Variants in CAPN3 observed in about 807,000 individuals in gnomAD.
The protein encoded by CAPN3 is calpain-3.
Under a neutral mutation model 114.0 loss-of-function variants are expected in CAPN3, and 88 were observed. That is an observed-to-expected ratio of 0.77 (90% confidence interval 0.65 to 0.92). CAPN3 has a LOEUF of 0.92. CAPN3 is among the 40% of genes least tolerant of loss of function. CAPN3 has a pLI of 0.00. For synonymous variants in CAPN3, 386 were observed against 382.9 expected (o/e 1.01, Z -0.09); for missense variants, 1,028 against 1,069.0 (o/e 0.96, Z 0.53).
rs761188919 is a variant in CAPN3 at position 42,409,383 on chromosome 15, G to A, written c.1992+3G>A. 1 of 1,613,740 alleles carries A rather than the reference G, an allele frequency of 6.2e-7. No individual in the cohort carries two copies. The highest frequency in any genetic ancestry group is 8.5e-7 in the Non-Finnish European group (1 of 1,179,638). ...TTTTCAAGCAGATAGCAGGAGATGT[G>A]AGTACCTCCAAGCCCAGGACGCCCA... On this transcript the variant is annotated splice_donor_region_variant and intron_variant, in intron 17 of 23. Transcript: ENST00000397163.
Position 42,389,083 on chromosome 15 carries a change from G to T in CAPN3, c.788G>T (p.Gly263Val). 6.2e-7 allele frequency: 1 copy of T among 1,614,070 alleles called. No homozygotes were observed. The highest frequency in any genetic ancestry group is 8.5e-7 in the Non-Finnish European group (1 of 1,180,010). The change falls in exon 5 of 24, where the codon GGC becomes GTC. Residue 263 changes from glycine (G) to valine (V), a missense_variant. Physicochemically the swap from Gly to Val is moderately radical, Grantham distance 109. Coordinates refer to ENST00000397163, the MANE Select transcript of CAPN3 (RefSeq NM_000070.3). Reference protein sequence around the residue: ...KKAIERGSLMGCSIDDGTNMT... With the variant: ...KKAIERGSLMVCSIDDGTNMT... Reference sequence around the variant, plus strand: ...GCCATCGAGAGAGGCTCCCTCATGGGCTGCTCCATTGATGTAAGTCTGGGG... The same window carrying T: ...GCCATCGAGAGAGGCTCCCTCATGGTCTGCTCCATTGATGTAAGTCTGGGG...
intron 1 of CAPN3, among the ~76,000 whole-genome samples, chr15:42,383,417 C>T (rs369050591): frequency 8.7e-4 from 133 of 152,256 alleles, no homozygotes; most frequent in African/African-American, 3.1e-3. Flanking sequence ...GGCGAAACCT[C>T]ATCTCTCTCT....
chr15:42,362,340 T>C (rs1323224413), intron 1 of CAPN3, among the ~76,000 whole-genome samples: 1 of 152,238 alleles, frequency 6.6e-6, no homozygotes, highest in Non-Finnish European at 1.5e-5. Context: ...ATTGGTGGAC[T>C]TGAGTCTTCA....
chr15:42,387,850 AGTTCTGGAGTGCTCT>A lies in CAPN3; in HGVS notation c.598_612del (p.Phe200_Leu204del), dbSNP rs727503837. On this transcript the variant is annotated inframe_deletion, in exon 4 of 24. Transcript: ENST00000397163. ...TTCACCAAGTCCAACCACCGCAATG[AGTTCTGGAGTGCTCT>A]GCTGGAGAAGGCTTATGCTAAGTAA... The A allele has an allele frequency of 1.5e-5, 24 of 1,614,062 alleles. No individual in the cohort carries two copies. The highest frequency in any genetic ancestry group is 2.0e-5 in the Non-Finnish European group (24 of 1,180,034).
At chr15:42,408,366 CA>C (rs1484529388) in intron 16 of CAPN3, 42 bp downstream of exon 16, 1 of 1,247,244 alleles carries the variant, frequency 8.0e-7, no homozygotes, top group Non-Finnish European at 1.2e-6. Context: ...CAGCACGCTA[CA>C]GGGGCTTCCT....
chr15:42,390,128 A>G, intron 6 of CAPN3, 32 bp downstream of exon 6: 1 of 1,613,644 alleles, frequency 6.2e-7, no homozygotes, highest in Admixed American at 1.7e-5. Flanking sequence ...AGAACTGACC[A>G]TCCCTCCAAC....
intron 8 of CAPN3, among the ~76,000 whole-genome samples, chr15:42,395,636 C>A (rs1395866512): frequency 6.6e-6 from 1 of 152,178 alleles, no homozygotes; most frequent in South Asian, 2.1e-4. Flanking sequence ...CCTGCAGGGA[C>A]GCTTGCTGTG....
intron 1 of CAPN3, among the ~76,000 whole-genome samples, chr15:42,375,591 A>G (rs189412865): frequency 2.0e-5 from 3 of 152,326 alleles, no homozygotes; most frequent in Admixed American, 1.3e-4. Flanking sequence ...AGCCCAGTAG[A>G]TCTGCAAGAT....
intron 1 of CAPN3, among the ~76,000 whole-genome samples, chr15:42,380,445 A>G (rs1428612665): frequency 1.7e-5 from 2 of 116,588 alleles, no homozygotes; most frequent in Non-Finnish European, 3.2e-5. Context: ...CAGTGGTATG[A>G]TCTTGGCTCA....
chr15:42,360,479 C>T (rs777727873), intron 1 of CAPN3, among the ~76,000 whole-genome samples: 1 of 152,050 alleles, frequency 6.6e-6, no homozygotes, highest in Non-Finnish European at 1.5e-5. Context: ...CCCAGATGTA[C>T]CTGTTCGTTT....
chr15:42,400,833 G>A (rs2053841669), intron 10 of CAPN3, among the ~76,000 whole-genome samples: 1 of 152,096 alleles, frequency 6.6e-6, no homozygotes, highest in Non-Finnish European at 1.5e-5. Context: ...TTGTAATAGA[G>A]CATCGGATGC....
chr15:42,395,637 G>A (rs1311019830), intron 8 of CAPN3, among the ~76,000 whole-genome samples: 3 of 152,174 alleles, frequency 2.0e-5, no homozygotes, highest in Non-Finnish European at 4.4e-5. Flanking sequence ...CTGCAGGGAC[G>A]CTTGCTGTGT....
rs1431746897 is a variant in CAPN3 at position 42,409,380 on chromosome 15, T to C, written c.1992T>C (p.Asp664=). 3.7e-6 allele frequency: 6 copies of C among 1,613,918 alleles called. No individual in the cohort carries two copies. The highest frequency in any genetic ancestry group is 1.1e-5 in the South Asian group (1 of 91,072). Residue 664 remains aspartate, a splice_region_variant and synonymous_variant, in exon 17 of 24, where the codon GAT becomes GAC. Transcript: ENST00000397163. ...ACATTTTCAAGCAGATAGCAGGAGA[T>C]GTGAGTACCTCCAAGCCCAGGACGC... ...FRNIFKQIAG[D]DMEICADELK...
rs771938059 is a variant in CAPN3, at chr15:42,396,800, A to T, written c.1116A>T (p.Arg372Ser). 2 of 1,612,748 alleles carry T rather than the reference A, an allele frequency of 1.2e-6. No homozygotes were observed. The highest frequency in any genetic ancestry group is 1.3e-5 in the African/African-American group (1 of 74,822). The change falls in exon 9 of 24, where the codon AGA (arginine) becomes AGT (serine). Residue 372 changes from arginine (R) to serine (S), a missense_variant and splice_region_variant. Transcript: ENST00000397163. ...CTTAATTCCTCCATTTTCCCACCAGATGGAAGGACTGGAGCTTTGTGGACA... is the reference window on the plus strand; with the variant it reads ...CTTAATTCCTCCATTTTCCCACCAGTTGGAAGGACTGGAGCTTTGTGGACA... The part of the protein sequence containing the change: ...QVEWNGSWSD[R>S]WKDWSFVDKD...
intron 19 of CAPN3, 138 bp from the exon 20 acceptor site, chr15:42,410,290 G>A (rs936102776): frequency 1.0e-5 from 9 of 864,446 alleles, no homozygotes; most frequent in Non-Finnish European, 1.8e-5. Context: ...CGCAATCTCT[G>A]ACTGGTGGTG....
intron 5 of CAPN3, among the ~76,000 whole-genome samples, chr15:42,389,310 G>C (rs1389479869): frequency 6.6e-6 from 1 of 152,188 alleles, no homozygotes; most frequent in Non-Finnish European, 1.5e-5. Flanking sequence ...GACATTTCAA[G>C]CCCTGGAATG....
At chr15:42,394,519 A>C (rs1278594481) in intron 8 of CAPN3, among the ~76,000 whole-genome samples, 178 bp downstream of exon 8, 4 of 152,140 alleles carry the variant, frequency 2.6e-5, no homozygotes, top group African/African-American at 9.7e-5. Context: ...CCAGGAGTGG[A>C]AGCGGGGTGC....
chr15:42,396,735 C>A, intron 8 of CAPN3, 65 bp from the exon 9 acceptor site: 2 of 1,250,124 alleles, frequency 1.6e-6, no homozygotes, highest in Non-Finnish European at 2.4e-6. Context: ...CTGATACCTC[C>A]TGTCCCAACC....
At position 42,408,259 on chromosome 15, in the gene CAPN3, G is replaced by A. The variant is rs781765154; in HGVS notation, c.1849G>A (p.Val617Met). 1.3e-5 allele frequency: 21 copies of A among 1,613,854 alleles called. No homozygotes were observed. The South Asian group carries it at 2.3e-4, about 18-fold the overall frequency. ...AGCAAACAGCAACAAGGAGCTGGGTGTGGACCAGGAGTCAGAGGAGGGCAA... is the reference window on the plus strand; with the variant it reads ...AGCAAACAGCAACAAGGAGCTGGGTATGGACCAGGAGTCAGAGGAGGGCAA... ...DRANSNKELG[V>M]DQESEEGKGK... The change falls in exon 16 of 24, where the codon GTG becomes ATG. Residue 617 changes from valine (V) to methionine (M), a missense_variant. Coordinates refer to ENST00000397163, the MANE Select transcript of CAPN3 (RefSeq NM_000070.3).
Sources: gnomAD v4.1 joint callset for allele counts (sites outside exome capture counted in the v4.1 genomes callset) on GRCh38, gnomAD v4.1.1 for gene constraint, MANE v1.5 for transcripts, NCBI Gene and HGNC (gene_info 2026-07-23, HGNC 2026-07-21) for gene names.